Variants in MIB1 observed in about 807,000 individuals in gnomAD.
MIB1 encodes MIB E3 ubiquitin protein ligase 1.
MIB1 carries 278 observed loss-of-function variants against 124.5 expected under a neutral mutation model. The ratio of observed to expected loss-of-function variants is 2.23; its 90% CI spans 2.02 to 2.47. The LOEUF is 2.47. Ranked by LOEUF, MIB1 falls within the 30% of genes most tolerant of loss-of-function variation. The probability of loss-of-function intolerance (pLI) is 0.00; values close to 1 mark genes in which losing one functional copy is unlikely to be tolerated. For synonymous variants in MIB1, 446 were observed against 429.4 expected (o/e 1.04, Z -0.48); for missense variants, 957 against 1,254.4 (o/e 0.76, Z 3.58).
chr18:21,767,569 A>G (rs1018176420), intron 2 of MIB1, among the ~76,000 whole-genome samples: 4 of 151,908 alleles, frequency 2.6e-5, no homozygotes, highest in African/African-American at 9.7e-5. Flanking sequence ...GTTTTTTGAA[A>G]TGGAGTCTCT....
intron 20 of MIB1, among the ~76,000 whole-genome samples, chr18:21,862,143 TA>T (rs781562083): frequency 1.3e-5 from 2 of 152,144 alleles, no homozygotes; most frequent in Non-Finnish European, 2.9e-5. Flanking sequence ...GTGATCCTCT[TA>T]CCTCGGCCTC....
At chr18:21,845,930 CT>C (rs1333966493) in intron 15 of MIB1, among the ~76,000 whole-genome samples, 1 of 152,072 alleles carries the variant, frequency 6.6e-6, no homozygotes, top group African/African-American at 2.4e-5. Flanking sequence ...GCTGAAAAGA[CT>C]TTCTTTTTCT....
At chr18:21,718,993 A>G (rs1421515920) in intron 1 of MIB1, among the ~76,000 whole-genome samples, 1 of 152,004 alleles carries the variant, frequency 6.6e-6, no homozygotes, top group African/African-American at 2.4e-5. Flanking sequence ...GTTTGAGACC[A>G]GCCTGACCAA....
At chr18:21,834,823 T>C (rs185923121) in intron 12 of MIB1, among the ~76,000 whole-genome samples, 1 of 152,238 alleles carries the variant, frequency 6.6e-6, no homozygotes, top group African/African-American at 2.4e-5. Flanking sequence ...GAAAGAACAT[T>C]GAATAAAACT....
At chr18:21,842,349 T>A (rs910647974) in intron 13 of MIB1, among the ~76,000 whole-genome samples, 62 of 152,138 alleles carry the variant, frequency 4.1e-4, no homozygotes, top group Non-Finnish European at 4.3e-4. Context: ...GATCTCATTT[T>A]AAAAAATTTT....
chr18:21,870,777 C>A lies in MIB1; in HGVS notation c.*6111C>A, dbSNP rs1298754658. On this transcript the variant is annotated 3_prime_UTR_variant, in exon 21 of 21. Transcript: ENST00000261537. Reference sequence around the variant, plus strand: ...AGAGGAAAAACATCTGAAAAAATATCTTTTGTTTATTTGAAAAAAGCATAT... The same window carrying A: ...AGAGGAAAAACATCTGAAAAAATATATTTTGTTTATTTGAAAAAAGCATAT... The A allele has an allele frequency of 6.6e-6, 1 of 151,954 alleles. No homozygotes were observed. The highest frequency in any genetic ancestry group is 1.5e-5 in the Non-Finnish European group (1 of 67,958). The allele number at this position is 151,954 out of a possible 1,614,324, so 9.4% of individuals were successfully genotyped here. A position where few individuals can be genotyped will look rare whatever the true frequency, so the allele number is the denominator to read the frequency against.
At chr18:21,849,950 T>C (rs1482925003) in intron 17 of MIB1, among the ~76,000 whole-genome samples, 1 of 152,168 alleles carries the variant, frequency 6.6e-6, no homozygotes, top group Non-Finnish European at 1.5e-5. Flanking sequence ...ATGTAATAGT[T>C]TGATCAGGGT....
intron 6 of MIB1, among the ~76,000 whole-genome samples, chr18:21,784,992 C>T (rs554000022): frequency 1.3e-5 from 2 of 152,248 alleles, no homozygotes; most frequent in African/African-American, 4.8e-5. Flanking sequence ...CACCTGGCTC[C>T]GTCTTCTAGA....
intron 3 of MIB1, among the ~76,000 whole-genome samples, chr18:21,770,411 T>C (rs188328283): frequency 3.7e-4 from 56 of 152,272 alleles, no homozygotes; most frequent in African/African-American, 1.3e-3. Flanking sequence ...CTTTTTCCCC[T>C]TCAGTGCTGG....
intron 6 of MIB1, among the ~76,000 whole-genome samples, chr18:21,783,218 C>A (rs1391966404): frequency 6.7e-6 from 1 of 149,624 alleles, no homozygotes; most frequent in Non-Finnish European, 1.5e-5. Flanking sequence ...AAACAATTTT[C>A]TTTTACCCAT....
chr18:21,729,457 G>A (rs1174807779), intron 1 of MIB1, among the ~76,000 whole-genome samples: 2 of 152,042 alleles, frequency 1.3e-5, no homozygotes, highest in Admixed American at 6.6e-5. Flanking sequence ...CATGGTAGAC[G>A]ATGCAAAAGG....
rs141738267 is a variant in MIB1, at chr18:21,745,805, C to G, written c.229+3993C>G. On this transcript the variant is annotated intron_variant, in intron 1 of 20. Transcript: ENST00000261537. ...CACTGCAACCTCCGTCCCCCAGGTT[C>G]AAGCAATTCTCCTGTCTCATCCTCC... 2.0e-3 allele frequency among the ~76,000 whole-genome samples: 300 copies of G among 152,220 alleles called. 1 individual carries two copies. Among genetic ancestry groups the G allele is most frequent in the Admixed American group, 3.6e-3 (55 of 15,288 alleles).
Position 21,867,614 on chromosome 18 carries a change from G to C in MIB1, c.*2948G>C, listed in dbSNP as rs2042329607. 1 of 152,560 alleles carries C rather than the reference G, an allele frequency of 6.6e-6. No homozygotes were observed. Among genetic ancestry groups the C allele is most frequent in the South Asian group, 2.1e-4 (1 of 4,820 alleles). 9.5% of individuals were successfully genotyped at this position (152,560 alleles called of 1,614,324 possible). ...TTAAACATTGCAAATTGACCAGCTA[G>C]CTATGGAAGCATAAAATTAATTGAT... On this transcript the variant is annotated 3_prime_UTR_variant, in exon 21 of 21. Transcript: ENST00000261537.
chr18:21,744,338 T>G (rs1321104409), intron 1 of MIB1, among the ~76,000 whole-genome samples: 1 of 152,200 alleles, frequency 6.6e-6, no homozygotes, highest in Non-Finnish European at 1.5e-5. Context: ...ACAATTGTAG[T>G]CTTCCAGAAA....
At chr18:21,738,754 C>T (rs199854120), upstream of MIB1, among the ~76,000 whole-genome samples, 1 of 121,854 alleles carries the variant, frequency 8.2e-6, no homozygotes, top group East Asian at 2.7e-4. Flanking sequence ...TTGCAGTGAG[C>T]TGAGATCACA....
intron 1 of MIB1, among the ~76,000 whole-genome samples, chr18:21,757,451 CAAAAAA>C (rs1202189616): frequency 1.1e-3 from 15 of 13,278 alleles, no homozygotes; most frequent in African/African-American, 4.0e-3. Flanking sequence ...GACTCTGTCT[CAAAAAA>C]AAAAAAAAAA....
chr18:21,729,591 T>C (rs993666331), intron 1 of MIB1, among the ~76,000 whole-genome samples: 1 of 152,118 alleles, frequency 6.6e-6, no homozygotes, highest in South Asian at 2.1e-4. Context: ...CCGGGTTCAA[T>C]TGATTCTCCC....
chr18:21,731,990 AAAG>A (rs2040773063), intron 1 of MIB1, among the ~76,000 whole-genome samples: 1 of 151,630 alleles, frequency 6.6e-6, no homozygotes, highest in Non-Finnish European at 1.5e-5. Flanking sequence ...TTTTTACACT[AAAG>A]AAGAAGAAAA....
rs754841638 is a variant in MIB1, at chr18:21,858,568, A to G, written c.2802A>G (p.Leu934=). The part of the protein sequence containing the change: ...DDISSGNIPV[L]QKDKDNTNVN... Reference sequence around the variant, plus strand: ...TAGCAAGTGGGAATATTCCAGTATTACAAAAGGACAAGGATAATACCAATG... The same window carrying G: ...TAGCAAGTGGGAATATTCCAGTATTGCAAAAGGACAAGGATAATACCAATG... The change falls in exon 20 of 21, where the codon TTA becomes TTG. Residue 934 remains leucine (L), a synonymous_variant. Coordinates refer to ENST00000261537, the MANE Select transcript of MIB1 (RefSeq NM_020774.4). 5.7e-6 allele frequency: 9 copies of G among 1,580,520 alleles called. No homozygotes were observed. The highest frequency in any genetic ancestry group is 7.8e-6 in the Non-Finnish European group (9 of 1,151,446).
Sources: allele counts gnomAD v4.1 joint callset (sites outside exome capture counted in the v4.1 genomes callset), GRCh38; gene constraint gnomAD v4.1.1; transcripts MANE v1.5; gene names NCBI Gene and HGNC (gene_info 2026-07-23, HGNC 2026-07-21).